Variants in ARB2A observed in about 807,000 individuals in gnomAD.
The protein encoded by ARB2A is ARB2 cotranscriptional regulator A.
the ARB2A span, among the ~76,000 whole-genome samples, chr5:94,084,089 T>C: frequency 3.3e-5 from 5 of 151,456 alleles, no homozygotes; most frequent in Non-Finnish European, 5.9e-5. Context: ...GCCTGGTCAA[T>C]ACGGTGAAAC....
the ARB2A span, among the ~76,000 whole-genome samples, chr5:93,635,110 T>G: frequency 6.6e-6 from 1 of 152,074 alleles, no homozygotes; most frequent in African/African-American, 2.4e-5. Context: ...TACCAAAAGA[T>G]TGCAAAGTAA....
chr5:93,848,854 C>T, the ARB2A span, among the ~76,000 whole-genome samples: 1 of 152,164 alleles, frequency 6.6e-6, no homozygotes, highest in African/African-American at 2.4e-5. Flanking sequence ...TGTTTCAAAT[C>T]AATAACTAAT....
chr5:93,794,843 G>C, the ARB2A span, among the ~76,000 whole-genome samples: 1 of 152,102 alleles, frequency 6.6e-6, no homozygotes. Flanking sequence ...ACTCTGTGAG[G>C]GTCCTTGGTT....
chr5:93,706,168 C>A, the ARB2A span, among the ~76,000 whole-genome samples: 10 of 152,046 alleles, frequency 6.6e-5, no homozygotes, highest in African/African-American at 2.4e-4. Context: ...GATGAATGAG[C>A]AAACTAAATG....
chr5:93,808,084 C>T, the ARB2A span, among the ~76,000 whole-genome samples: 2 of 151,992 alleles, frequency 1.3e-5, no homozygotes, highest in East Asian at 3.9e-4. Context: ...AGGGAGGGAA[C>T]ATGCGCAATA....
chr5:94,050,624 G>A, the ARB2A span: 1 of 781,826 alleles, frequency 1.3e-6, no homozygotes, highest in South Asian at 2.2e-5. Flanking sequence ...AACCTTTTTG[G>A]AATCACATTT....
chr5:93,663,755 T>A, the ARB2A span, among the ~76,000 whole-genome samples: 2 of 152,214 alleles, frequency 1.3e-5, no homozygotes, highest in Non-Finnish European at 2.9e-5. Flanking sequence ...GTAATTTCCA[T>A]ATAGTTAATT....
At chr5:94,044,445 C>T in the ARB2A span, among the ~76,000 whole-genome samples, 1 of 152,114 alleles carries the variant, frequency 6.6e-6, no homozygotes, top group African/African-American at 2.4e-5. Context: ...ACCGCACATA[C>T]AGAAAGAGAT....
the ARB2A span, chr5:93,738,281 T>C: frequency 6.5e-6 from 1 of 152,712 alleles, no homozygotes; most frequent in South Asian, 2.0e-4. Flanking sequence ...ATGGCTATAA[T>C]TTTTTAAAAA....
chr5:93,791,499 A>G, the ARB2A span, among the ~76,000 whole-genome samples: 2 of 152,338 alleles, frequency 1.3e-5, no homozygotes, highest in Non-Finnish European at 2.9e-5. Context: ...TTCTAAGTTC[A>G]AAATTTAAGA....
At chr5:93,794,239 T>C in the ARB2A span, among the ~76,000 whole-genome samples, 7 of 152,140 alleles carry the variant, frequency 4.6e-5, no homozygotes, top group African/African-American at 1.7e-4. Context: ...CATTTTGCAC[T>C]TCTCTAAGTG....
chr5:93,771,876 A>G, the ARB2A span, among the ~76,000 whole-genome samples: 2 of 152,204 alleles, frequency 1.3e-5, no homozygotes, highest in Non-Finnish European at 2.9e-5. Flanking sequence ...AACTAGTTCA[A>G]CCTTTGTGGA....
At chr5:94,064,667 G>A in the ARB2A span, among the ~76,000 whole-genome samples, 1 of 152,202 alleles carries the variant, frequency 6.6e-6, no homozygotes, top group Non-Finnish European at 1.5e-5. Context: ...TACGGGCCAA[G>A]ACGAAATGGG....
the ARB2A span, among the ~76,000 whole-genome samples, chr5:93,640,555 G>GGT: frequency 8.5e-3 from 1,257 of 147,518 alleles, 16 homozygotes; most frequent in African/African-American, 0.029. Flanking sequence ...TTCCTATAGG[G>GGT]GTGTGTGTGT....
chr5:93,820,309 A>G, the ARB2A span, among the ~76,000 whole-genome samples: 3 of 152,206 alleles, frequency 2.0e-5, no homozygotes, highest in Admixed American at 6.5e-5. Context: ...TCCAAATTAA[A>G]TAAAAAATTA....
the ARB2A span, among the ~76,000 whole-genome samples, chr5:93,943,303 G>A: frequency 2.0e-5 from 3 of 151,832 alleles, no homozygotes; most frequent in African/African-American, 7.2e-5. Flanking sequence ...TTGAAAAATG[G>A]TAGCTTGTTT....
chr5:93,716,693 CA>C, the ARB2A span, among the ~76,000 whole-genome samples: 4,291 of 36,526 alleles, frequency 0.12, 42 homozygotes, highest in African/African-American at 0.27. Context: ...ATAAGCTGTG[CA>C]AAAAAAAAAA....
the ARB2A span, among the ~76,000 whole-genome samples, chr5:93,914,103 A>T: frequency 6.6e-6 from 1 of 151,950 alleles, no homozygotes; most frequent in African/African-American, 2.4e-5. Flanking sequence ...GTCACAGTAG[A>T]CAAACTAAAC....
At chr5:93,817,596 G>C in the ARB2A span, among the ~76,000 whole-genome samples, 5 of 152,144 alleles carry the variant, frequency 3.3e-5, 1 homozygote, top group African/African-American at 9.7e-5. Context: ...CAGTAATCAA[G>C]TCAGTGTGGT....
Sources: allele counts gnomAD v4.1 joint callset (sites outside exome capture counted in the v4.1 genomes callset), GRCh38; gene constraint gnomAD v4.1.1; transcripts MANE v1.5; gene names NCBI Gene and HGNC (gene_info 2026-07-23, HGNC 2026-07-21).